The following ADCY2 variants were observed in gnomAD, a reference collection of about 807,000 sequenced individuals.
ADCY2 encodes adenylate cyclase type 2.
A neutral mutation model predicts 125.2 loss-of-function variants in ADCY2; 31 were observed. The observed-to-expected ratio is 0.25, with a 90% CI of 0.19 to 0.33. The LOEUF (loss-of-function observed/expected upper bound fraction) is 0.33. Ranked by LOEUF, ADCY2 falls within the 10% of genes least tolerant of loss-of-function variation. ADCY2 has a pLI of 1.00. For synonymous variants in ADCY2, 512 were observed against 548.4 expected (o/e 0.93, Z 0.93); for missense variants, 904 against 1,418.2 (o/e 0.64, Z 5.82).
At chr5:7,475,904 A>G (rs1742508214) in intron 2 of ADCY2, among the ~76,000 whole-genome samples, 1 of 152,176 alleles carries the variant, frequency 6.6e-6, no homozygotes. Context: ...GAGATGTCAT[A>G]CTTCTAATAT....
At chr5:7,489,334 A>C (rs1296529760) in intron 2 of ADCY2, among the ~76,000 whole-genome samples, 1 of 152,126 alleles carries the variant, frequency 6.6e-6, no homozygotes, top group East Asian at 1.9e-4. Context: ...TTTTTGACAC[A>C]CTTACATATT....
intron 2 of ADCY2, among the ~76,000 whole-genome samples, chr5:7,505,865 C>T (rs1743793068): frequency 6.6e-6 from 1 of 152,080 alleles, no homozygotes. Context: ...GCTGGCCTTT[C>T]AGATTAAATA....
At chr5:7,512,233 A>AAAAAAAAAAAAAAAAAAAAAAG (rs1561066830) in intron 2 of ADCY2, among the ~76,000 whole-genome samples, 1 of 143,758 alleles carries the variant, frequency 7.0e-6, no homozygotes, top group African/African-American at 2.7e-5. Context: ...AAAAAAAAAA[A>AAAAAAAAAAAAAAAAAAAAAAG]AAAAAAAGAA....
At chr5:7,725,507 C>CT (rs1741902609) in intron 13 of ADCY2, among the ~76,000 whole-genome samples, 1 of 151,992 alleles carries the variant, frequency 6.6e-6, no homozygotes, top group African/African-American at 2.4e-5. Context: ...TTGTCTACTG[C>CT]TAAGTAGAGG....
intron 15 of ADCY2, among the ~76,000 whole-genome samples, chr5:7,754,931 G>C (rs963825950): frequency 1.3e-5 from 2 of 152,094 alleles, no homozygotes; most frequent in African/African-American, 4.8e-5. Flanking sequence ...AGATCTGACT[G>C]TGTTTTGTGA....
At chr5:7,707,099 T>C (rs763393048) in intron 8 of ADCY2, among the ~76,000 whole-genome samples, 197 bp downstream of exon 8, 14 of 152,210 alleles carry the variant, frequency 9.2e-5, no homozygotes, top group Non-Finnish European at 1.5e-4. Context: ...GACCCCGTTG[T>C]CCATAGTTCA....
chr5:7,516,118 C>G (rs1296381216), intron 2 of ADCY2, among the ~76,000 whole-genome samples: 1 of 145,238 alleles, frequency 6.9e-6, no homozygotes, highest in East Asian at 1.9e-4. Flanking sequence ...CAGCATTAGA[C>G]AAGGGCTCCC....
rs187023092 is a variant in ADCY2, at chr5:7,444,977, T to C, written c.408+30207T>C. Among the ~76,000 whole-genome samples, 8 of 152,338 alleles carry C rather than the reference T, an allele frequency of 5.3e-5. No individual in the cohort carries two copies. The East Asian group carries it at 1.5e-3, about 29-fold the overall frequency. ...TTGTTCTCCAGTTTTAAGAGTTCTTTATTCATAGGGATATTTGTCATTTAC... is the reference window on the plus strand; with the variant it reads ...TTGTTCTCCAGTTTTAAGAGTTCTTCATTCATAGGGATATTTGTCATTTAC... On this transcript the variant is annotated intron_variant, in intron 2 of 24. Transcript: ENST00000338316.
chr5:7,534,972 T>A (rs947162639), intron 3 of ADCY2, among the ~76,000 whole-genome samples: 3 of 152,240 alleles, frequency 2.0e-5, no homozygotes, highest in African/African-American at 7.2e-5. Flanking sequence ...CCTCTCCTTC[T>A]GTTGCACATT....
At chr5:7,738,598 CA>C (rs1249278061) in intron 14 of ADCY2, among the ~76,000 whole-genome samples, 9 of 151,814 alleles carry the variant, frequency 5.9e-5, no homozygotes, top group South Asian at 2.1e-4. Flanking sequence ...CTAAATACTC[CA>C]AAGGAAAGTA....
At position 7,652,242 on chromosome 5, in the gene ADCY2, C is replaced by G. The variant is rs572563084; in HGVS notation, c.720+25926C>G. 2.0e-5 allele frequency among the ~76,000 whole-genome samples: 3 copies of G among 152,230 alleles called. No homozygotes were observed. In the South Asian group the frequency reaches 6.2e-4, roughly 32 times the overall value. Reference sequence around the variant, plus strand: ...TTTTAAATCATTCCCTGCTTATAGCCGTGGGCACTTCCTTTACCTTTCCCA... The same window carrying G: ...TTTTAAATCATTCCCTGCTTATAGCGGTGGGCACTTCCTTTACCTTTCCCA... On this transcript the variant is annotated intron_variant, in intron 4 of 24. Transcript: ENST00000338316.
intron 2 of ADCY2, among the ~76,000 whole-genome samples, chr5:7,415,537 C>A (rs1739905804): frequency 6.6e-6 from 1 of 152,152 alleles, no homozygotes; most frequent in South Asian, 2.1e-4. Flanking sequence ...TGGTTGTTGT[C>A]CTTAAATTCC....
chr5:7,669,629 T>G (rs1369961353), intron 4 of ADCY2, among the ~76,000 whole-genome samples: 1 of 152,196 alleles, frequency 6.6e-6, no homozygotes, highest in African/African-American at 2.4e-5. Flanking sequence ...GCGCATTTCA[T>G]GTAAAAAAGG....
intron 7 of ADCY2, among the ~76,000 whole-genome samples, chr5:7,702,756 C>G (rs1310756582): frequency 6.6e-6 from 1 of 152,174 alleles, no homozygotes; most frequent in Non-Finnish European, 1.5e-5. Context: ...AATGGGATGG[C>G]TGGGTGAAAT....
At chr5:7,646,894 C>T (rs894195432) in intron 4 of ADCY2, among the ~76,000 whole-genome samples, 1 of 152,174 alleles carries the variant, frequency 6.6e-6, no homozygotes, top group African/African-American at 2.4e-5. Flanking sequence ...ATTTCGGCCA[C>T]CATCTTGAAG....
intron 19 of ADCY2, among the ~76,000 whole-genome samples, chr5:7,788,065 C>A (rs1744136118): frequency 6.6e-6 from 1 of 151,630 alleles, no homozygotes; most frequent in Non-Finnish European, 1.5e-5. Flanking sequence ...TAAATCCATT[C>A]TTCAAGTGAG....
chr5:7,557,560 TC>T (rs1735566197), intron 3 of ADCY2, among the ~76,000 whole-genome samples: 1 of 152,100 alleles, frequency 6.6e-6, no homozygotes, highest in Non-Finnish European at 1.5e-5. Context: ...CAGAGTGTGT[TC>T]CCCTCTTTGT....
intron 2 of ADCY2, among the ~76,000 whole-genome samples, chr5:7,437,139 T>G (rs1222272370): frequency 6.6e-6 from 1 of 152,186 alleles, no homozygotes; most frequent in African/African-American, 2.4e-5. Flanking sequence ...CATTACAATG[T>G]GCTGGACAGG....
chr5:7,467,619 G>A (rs1303882894), intron 2 of ADCY2, among the ~76,000 whole-genome samples: 1 of 152,156 alleles, frequency 6.6e-6, no homozygotes, highest in Non-Finnish European at 1.5e-5. Flanking sequence ...TGTGGAGAAG[G>A]AAATAATTTA....
Sources: allele counts gnomAD v4.1 joint callset (sites outside exome capture counted in the v4.1 genomes callset), GRCh38; gene constraint gnomAD v4.1.1; transcripts MANE v1.5; gene names NCBI Gene and HGNC (gene_info 2026-07-23, HGNC 2026-07-21).